The following PALM2AKAP2 variants were observed in gnomAD, a reference collection of about 807,000 sequenced individuals.
PALM2AKAP2 encodes the protein PALM2-AKAP2 fusion protein.
A neutral mutation model predicts 71.5 loss-of-function variants in PALM2AKAP2; 37 were observed. The observed-to-expected ratio is 0.52, with a 90% confidence interval of 0.40 to 0.68. The LOEUF (loss-of-function observed/expected upper bound fraction) is 0.68, where lower values mean the gene tolerates loss of function less well. PALM2AKAP2 is among the 30% of genes least tolerant of loss of function. PALM2AKAP2 has a pLI of 0.00. For missense variants in PALM2AKAP2, 1,224 were observed against 1,191.8 expected (o/e 1.03, Z -0.40); for synonymous variants, 468 against 478.8 (o/e 0.98, Z 0.29).
intron 1 of PALM2AKAP2, among the ~76,000 whole-genome samples, chr9:110,072,007 A>G (rs553939663): frequency 3.9e-5 from 6 of 152,240 alleles, no homozygotes; most frequent in Admixed American, 3.9e-4. Context: ...GTGAGTTAGT[A>G]GTAGTTCATA....
At chr9:109,657,276 GC>G (rs1827320760) in intron 1 of PALM2AKAP2, among the ~76,000 whole-genome samples, 1 of 152,238 alleles carries the variant, frequency 6.6e-6, no homozygotes, top group South Asian at 2.1e-4. Context: ...CAGCCTGATG[GC>G]CTTTCATCTG....
chr9:109,945,825 A>G (rs1255504330), intron 6 of PALM2AKAP2: 1 of 152,256 alleles, frequency 6.6e-6, no homozygotes, highest in Non-Finnish European at 1.5e-5. Flanking sequence ...TTACTCATAC[A>G]GAAAATGATC....
chr9:109,660,588 G>A (rs1827378363), intron 1 of PALM2AKAP2, among the ~76,000 whole-genome samples: 1 of 151,004 alleles, frequency 6.6e-6, no homozygotes, highest in African/African-American at 2.5e-5. Context: ...TCTTAATCCA[G>A]TCTATCATTG....
chr9:109,980,957 C>T (rs1254957687), intron 6 of PALM2AKAP2, among the ~76,000 whole-genome samples: 4 of 152,210 alleles, frequency 2.6e-5, no homozygotes, highest in Admixed American at 6.5e-5. Flanking sequence ...CTCCCAGCTT[C>T]GTGGTTTGTG....
chr9:109,723,342 A>G (rs1007191600), intron 1 of PALM2AKAP2, among the ~76,000 whole-genome samples: 7 of 152,182 alleles, frequency 4.6e-5, no homozygotes, highest in Admixed American at 1.3e-4. Context: ...ATACATTGAC[A>G]TGTGTGATCA....
chr9:109,757,697 T>C (rs1352687257), intron 1 of PALM2AKAP2, among the ~76,000 whole-genome samples: 2 of 151,986 alleles, frequency 1.3e-5, no homozygotes, highest in African/African-American at 4.8e-5. Context: ...CACGAGGTCT[T>C]CGACAGCTTA....
intron 1 of PALM2AKAP2, among the ~76,000 whole-genome samples, chr9:109,849,505 T>A (rs1828951724): frequency 6.6e-6 from 1 of 152,140 alleles, no homozygotes; most frequent in Admixed American, 6.5e-5. Flanking sequence ...CCCAGCACTT[T>A]GGGAGGCGAA....
chr9:110,171,044 A>T (rs1252754884), exon 4 of PALM2AKAP2: 1 of 152,258 alleles, frequency 6.6e-6, no homozygotes, highest in African/African-American at 2.4e-5. Flanking sequence ...GACATGATAT[A>T]GACTAACTTC....
chr9:109,657,547 CAGAG>C (rs371288271), intron 1 of PALM2AKAP2, among the ~76,000 whole-genome samples: 2 of 149,218 alleles, frequency 1.3e-5, no homozygotes, highest in African/African-American at 2.5e-5. Flanking sequence ...GAGAGGATGA[CAGAG>C]AGAGAGAGAC....
At chr9:109,828,408 T>C (rs1828212569) in intron 1 of PALM2AKAP2, among the ~76,000 whole-genome samples, 2 of 152,218 alleles carry the variant, frequency 1.3e-5, no homozygotes, top group African/African-American at 4.8e-5. Context: ...TCAGGACTAA[T>C]CCATGCATGA....
intron 1 of PALM2AKAP2, among the ~76,000 whole-genome samples, chr9:109,800,160 G>GA (rs1827382481): frequency 6.6e-6 from 1 of 151,424 alleles, no homozygotes; most frequent in South Asian, 2.1e-4. Flanking sequence ...TTACTGATTT[G>GA]AAAAGAGGAT....
At chr9:110,096,651 C>T (rs1389132862) in intron 1 of PALM2AKAP2, among the ~76,000 whole-genome samples, 2 of 152,022 alleles carry the variant, frequency 1.3e-5, no homozygotes, top group Non-Finnish European at 2.9e-5. Flanking sequence ...TTCATACTAG[C>T]CAGTCTTCTG....
At chr9:110,135,164 A>AAAAAAAAAAAATATATATATATATAT in intron 1 of PALM2AKAP2, among the ~76,000 whole-genome samples, 3 of 51,730 alleles carry the variant, frequency 5.8e-5, no homozygotes, top group Non-Finnish European at 7.5e-5. Context: ...AAAAAAAAAA[A>AAAAAAAAAAAATATATATATATATAT]ATATATAAAT....
chr9:109,936,829 A>G (rs1385046102), intron 6 of PALM2AKAP2, among the ~76,000 whole-genome samples: 1 of 152,140 alleles, frequency 6.6e-6, no homozygotes, highest in Non-Finnish European at 1.5e-5. Flanking sequence ...CTCCCTGACT[A>G]ATGACAGCGG....
chr9:110,137,896 C>T, exon 2 of PALM2AKAP2: 1 of 1,614,216 alleles, frequency 6.2e-7, no homozygotes, highest in South Asian at 1.1e-5. Flanking sequence ...ATTCCCCTTC[C>T]TCCACGCTGG....
At chr9:110,022,421 T>C (rs1011736422) in intron 7 of PALM2AKAP2, among the ~76,000 whole-genome samples, 3 of 152,200 alleles carry the variant, frequency 2.0e-5, no homozygotes, top group African/African-American at 7.2e-5. Context: ...AGACCAACTC[T>C]TGCAGGCACT....
chr9:109,804,523 C>T (rs867577915), intron 1 of PALM2AKAP2, among the ~76,000 whole-genome samples: 3 of 152,138 alleles, frequency 2.0e-5, no homozygotes, highest in East Asian at 1.9e-4. Flanking sequence ...ATTCTTTTTG[C>T]GGTAGTAACG....
chr9:109,644,216 C>T (rs935867675), intron 1 of PALM2AKAP2, among the ~76,000 whole-genome samples: 5 of 152,020 alleles, frequency 3.3e-5, no homozygotes, highest in Non-Finnish European at 7.4e-5. Flanking sequence ...TTTCTTTTTT[C>T]CCTTTTAGAA....
intron 1 of PALM2AKAP2, among the ~76,000 whole-genome samples, chr9:109,719,188 G>A (rs1461668188): frequency 1.3e-5 from 2 of 152,164 alleles, no homozygotes; most frequent in African/African-American, 4.8e-5. Context: ...AGCATGAAAA[G>A]GCCAAAGCAT....
Sources: allele counts gnomAD v4.1 joint callset (sites outside exome capture counted in the v4.1 genomes callset), GRCh38; gene constraint gnomAD v4.1.1; transcripts MANE v1.5; gene names NCBI Gene and HGNC (gene_info 2026-07-23, HGNC 2026-07-21).